CCT2: variants seen among roughly 807,000 people sequenced by gnomAD.
CCT2 encodes the protein chaperonin containing TCP1 subunit 2.
In CCT2, 18 loss-of-function variants were observed where a neutral mutation model predicts 61.8. That is an observed-to-expected ratio of 0.29 (90% CI 0.20 to 0.43). CCT2 has a LOEUF of 0.43. Among genes scored for constraint, CCT2 ranks in the 20% least tolerant of loss-of-function variants. CCT2 has a pLI of 1.00. For synonymous variants in CCT2, 248 were observed against 215.9 expected (o/e 1.15, Z -1.30); for missense variants, 556 against 656.9 (o/e 0.85, Z 1.68).
At position 69,589,614 on chromosome 12, in the gene CCT2, C is replaced by T; in HGVS notation, c.576C>T (p.Gly192=). ...TAGAAGCAGTTCTCAGACTGAAAGG[C>T]TCTGGCAACCTGGAGGCAATTCATA... ...LAVEAVLRLK[G]SGNLEAIHII... The change falls in exon 7 of 16, where the codon GGC becomes GGT. Residue 192 remains glycine (G), a synonymous_variant. Transcript: ENST00000299300. 1 of 1,614,066 alleles carries T rather than the reference C, an allele frequency of 6.2e-7. No homozygotes were observed. Among genetic ancestry groups the T allele is most frequent in the Non-Finnish European group, 8.5e-7 (1 of 1,180,006 alleles).
rs749319191 is a variant in CCT2, at chr12:69,601,441, T to G, written c.*116T>G. ...ATCGGTGCCCATTATATCCTTAAGTTTGGATATTTAGCTGACCTTCGCTTT... is the reference window on the plus strand; with the variant it reads ...ATCGGTGCCCATTATATCCTTAAGTGTGGATATTTAGCTGACCTTCGCTTT... On this transcript the variant is annotated 3_prime_UTR_variant, in exon 16 of 16. Coordinates refer to ENST00000299300, the MANE Select transcript of CCT2 (RefSeq NM_006431.3). 1.3e-6 allele frequency: 2 copies of G among 1,593,694 alleles called. No homozygotes were observed. The highest frequency in any genetic ancestry group is 1.7e-6 in the Non-Finnish European group (2 of 1,171,904).
intron 7 of CCT2, among the ~76,000 whole-genome samples, chr12:69,591,664 A>G (rs536153023): frequency 7.2e-5 from 11 of 152,316 alleles, no homozygotes; most frequent in African/African-American, 2.4e-4. Context: ...TTTCTGTTTC[A>G]TATTTTTTAA....
At chr12:69,600,729 A>G (rs1882125036) in intron 15 of CCT2, among the ~76,000 whole-genome samples, 1 of 152,128 alleles carries the variant, frequency 6.6e-6, no homozygotes, top group Admixed American at 6.5e-5. Context: ...GTACTCTTTG[A>G]TCTGTTCTTA....
intron 1 of CCT2, chr12:69,585,784 C>T (rs1430240572): frequency 3.6e-6 from 5 of 1,385,710 alleles, no homozygotes; most frequent in Non-Finnish European, 3.7e-6. Flanking sequence ...CAGGTCCGCG[C>T]CTCACCCGGA....
chr12:69,591,123 G>T (rs955805955), intron 7 of CCT2, among the ~76,000 whole-genome samples: 2 of 152,182 alleles, frequency 1.3e-5, no homozygotes, highest in East Asian at 1.9e-4. Flanking sequence ...TCTGTACTAG[G>T]AATTGTAATA....
chr12:69,597,538 C>T (rs1882026106), intron 11 of CCT2, 100 bp from the exon 12 acceptor site: 2 of 1,253,160 alleles, frequency 1.6e-6, no homozygotes, highest in African/African-American at 1.5e-5. Flanking sequence ...TACAGGAAGA[C>T]AGGTCAGCTT....
In CCT2 at chr12:69,598,307, T is replaced by A; in HGVS notation, c.1336-15T>A. Reference sequence around the variant, plus strand: ...CAGTAGAGTGAGTAGTTACTTGTTTTCTTCATTTTCATAGTTGCCAACCAT... The same window carrying A: ...CAGTAGAGTGAGTAGTTACTTGTTTACTTCATTTTCATAGTTGCCAACCAT... On this transcript the variant is annotated splice_polypyrimidine_tract_variant and intron_variant, in intron 13 of 15. Coordinates refer to ENST00000299300, the MANE Select transcript of CCT2 (RefSeq NM_006431.3). 1 of 1,552,476 alleles carries A rather than the reference T, an allele frequency of 6.4e-7. No homozygotes were observed. The highest frequency in any genetic ancestry group is 8.7e-7 in the Non-Finnish European group (1 of 1,145,442).
chr12:69,589,733 G>A (rs1483216506), intron 7 of CCT2, 46 bp downstream of exon 7: 1 of 1,431,236 alleles, frequency 7.0e-7, no homozygotes. Flanking sequence ...AGATGCTGAG[G>A]GCTGAATACT....
intron 6 of CCT2, 91 bp from the exon 7 acceptor site, chr12:69,589,391 CAGT>C (rs1158906068): frequency 9.9e-5 from 78 of 790,234 alleles, no homozygotes; most frequent in Middle Eastern, 9.3e-4. Context: ...CAGACTTGAT[CAGT>C]TAGGGTAAAA....
intron 15 of CCT2, among the ~76,000 whole-genome samples, chr12:69,600,910 G>T (rs1882129191): frequency 6.6e-6 from 1 of 152,206 alleles, no homozygotes; most frequent in African/African-American, 2.4e-5. Context: ...TAAAAGATGA[G>T]AATAGAAGGT....
intron 6 of CCT2, chr12:69,589,116 TGG>T: frequency 4.4e-6 from 1 of 229,028 alleles, no homozygotes. Context: ...TTAGTGTAGA[TGG>T]GGTTTCACCA....
At position 69,589,582 on chromosome 12, in the gene CCT2, T is replaced by G. The variant is rs1331829804; in HGVS notation, c.544T>G (p.Leu182Val). Residue 182 changes from leucine (L) to valine (V), a missense_variant, in exon 7 of 16, where the codon TTA (leucine) becomes GTA (valine). Leu to Val is a conservative substitution (Grantham distance 32). Transcript: ENST00000299300. ...LTHHKDHFTK[L>V]AVEAVLRLKG... The stretch of plus-strand genomic sequence containing the variant: ...TCATCACAAAGACCACTTTACAAAG[T>G]TAGCTGTAGAAGCAGTTCTCAGACT... 1 of 1,614,082 alleles carries G rather than the reference T, an allele frequency of 6.2e-7. No individual in the cohort carries two copies. The highest frequency in any genetic ancestry group is 8.5e-7 in the Non-Finnish European group (1 of 1,179,966).
chr12:69,597,895 T>C lies in CCT2; in HGVS notation c.1232-73T>C, dbSNP rs35639. On this transcript the variant is annotated intron_variant, in intron 12 of 15. Coordinates refer to ENST00000299300, the MANE Select transcript of CCT2 (RefSeq NM_006431.3). ...ACTAAATTTTAAAATGCTTGGCATA[T>C]CTTAAAGTCAGTAATTCAGTATCTT... The C allele has an allele frequency of 0.036, 52,054 of 1,451,628 alleles. 4,669 individuals are homozygous for C. The East Asian group carries it at 0.41, about 11-fold the overall frequency. The allele number at this position is 1,451,628 out of a possible 1,614,324, so 89.9% of individuals were successfully genotyped here.
At chr12:69,595,883 G>A (rs995600406) in intron 10 of CCT2, among the ~76,000 whole-genome samples, 8 of 152,180 alleles carry the variant, frequency 5.3e-5, no homozygotes, top group African/African-American at 1.9e-4. Context: ...AAAGGTGTAT[G>A]ATGACATTGG....
rs926623432 is a variant in CCT2 at position 69,586,648 on chromosome 12, A to G, written c.79-105A>G. The G allele has an allele frequency of 4.8e-6, 4 of 825,962 alleles. No individual in the cohort carries two copies. In the African/African-American group the frequency reaches 7.0e-5, roughly 14 times the overall value. 51.2% of individuals were successfully genotyped at this position (825,962 alleles called of 1,614,324 possible). On this transcript the variant is annotated intron_variant, in intron 2 of 15. Transcript: ENST00000299300. ...GCGCCATTGCACTCCAGCCTGGGCG[A>G]CAGAGCGACACTCTGCCTCAAAAAA...
At chr12:69,594,690 A>G (rs947774841) in intron 10 of CCT2, among the ~76,000 whole-genome samples, 19 of 152,162 alleles carry the variant, frequency 1.2e-4, no homozygotes, top group African/African-American at 4.1e-4. Context: ...GACTGTCTCT[A>G]CAAAAAATTA....
intron 10 of CCT2, among the ~76,000 whole-genome samples, chr12:69,595,000 A>G (rs1881945621): frequency 6.6e-6 from 1 of 152,258 alleles, no homozygotes; most frequent in Non-Finnish European, 1.5e-5. Context: ...TAAGTTTAAC[A>G]CTTTTCTAGA....
chr12:69,598,450 G>T (rs766050573), intron 14 of CCT2, 29 bp downstream of exon 14: 2 of 1,367,210 alleles, frequency 1.5e-6, no homozygotes, highest in Non-Finnish European at 1.0e-6. Flanking sequence ...CTTTGTGGCC[G>T]TTGTTAAAAG....
intron 10 of CCT2, among the ~76,000 whole-genome samples, chr12:69,595,168 A>G (rs1199675415): frequency 6.6e-6 from 1 of 152,126 alleles, no homozygotes; most frequent in Non-Finnish European, 1.5e-5. Context: ...ACCTTTGGAG[A>G]GTGGACTTGG....
Sources: gnomAD v4.1 joint callset for allele counts (sites outside exome capture counted in the v4.1 genomes callset) on GRCh38, gnomAD v4.1.1 for gene constraint, MANE v1.5 for transcripts, NCBI Gene and HGNC (gene_info 2026-07-23, HGNC 2026-07-21) for gene names.